Variants in JADE3 observed in about 807,000 individuals in gnomAD.
JADE3 encodes protein Jade-3.
A neutral mutation model predicts 50.1 loss-of-function variants in JADE3; 2 were observed. The ratio of observed to expected loss-of-function variants is 0.04; its 90% CI spans 0.02 to 0.13. The LOEUF is 0.13. Ranked by LOEUF, JADE3 falls within the 10% of genes least tolerant of loss-of-function variation. The probability of loss-of-function intolerance (pLI) is 1.00; values close to 1 mark genes in which losing one functional copy is unlikely to be tolerated. For synonymous variants in JADE3, 218 were observed against 232.9 expected (o/e 0.94, Z 0.58); for missense variants, 475 against 634.4 (o/e 0.75, Z 2.70).
At chrX:47,052,906 A>C (rs1929547044) in intron 8 of JADE3, among the ~76,000 whole-genome samples, 1 of 108,150 alleles carries the variant, frequency 9.2e-6, no homozygotes, top group Non-Finnish European at 1.9e-5. Context: ...AAATACAAAA[A>C]TTAGCCGGGC....
At chrX:46,917,692 A>G (rs1926115141) in intron 1 of JADE3, among the ~76,000 whole-genome samples, 1 of 109,822 alleles carries the variant, frequency 9.1e-6, no homozygotes, top group Non-Finnish European at 1.9e-5. Flanking sequence ...TGGGCAGGGA[A>G]AGATTGACAG....
At chrX:47,045,095 G>A (rs1165144501) in intron 8 of JADE3, among the ~76,000 whole-genome samples, 1 of 111,526 alleles carries the variant, frequency 9.0e-6, no homozygotes, top group East Asian at 2.8e-4. Flanking sequence ...CAATAACATT[G>A]AATGTAAATG....
intron 3 of JADE3, among the ~76,000 whole-genome samples, chrX:46,993,616 G>T (rs916193519): frequency 2.7e-5 from 3 of 111,717 alleles, no homozygotes; most frequent in Admixed American, 1.9e-4. Context: ...TGTTGCAGTT[G>T]GTGTTAGCCC....
At chrX:47,049,526 G>A (rs1316774722) in intron 8 of JADE3, among the ~76,000 whole-genome samples, 1 of 106,755 alleles carries the variant, frequency 9.4e-6, no homozygotes, top group East Asian at 2.9e-4. Flanking sequence ...GCACAATCAC[G>A]GCTCACTGCA....
chrX:46,997,610 T>C (rs1466538780), intron 3 of JADE3, among the ~76,000 whole-genome samples: 1 of 112,440 alleles, frequency 8.9e-6, no homozygotes, highest in Non-Finnish European at 1.9e-5. Flanking sequence ...AATAGTATTA[T>C]AGCATTGCTA....
chrX:46,972,403 C>G (rs1250333536), intron 1 of JADE3, among the ~76,000 whole-genome samples: 1 of 111,167 alleles, frequency 9.0e-6, no homozygotes, highest in Non-Finnish European at 1.9e-5. Flanking sequence ...GCCGTGTTGT[C>G]CAGGCTGATC....
intron 5 of JADE3, among the ~76,000 whole-genome samples, 169 bp from the exon 6 acceptor site, chrX:47,027,723 T>A (rs914822643): frequency 8.9e-6 from 1 of 111,993 alleles, no homozygotes; most frequent in South Asian, 3.7e-4. Context: ...TATAGGTAAA[T>A]GTTAGAGTAG....
chrX:47,060,374 T>C lies in JADE3; in HGVS notation c.*1297T>C, dbSNP rs1374074829. On this transcript the variant is annotated 3_prime_UTR_variant, in exon 11 of 11. Transcript: ENST00000614628. The stretch of plus-strand genomic sequence containing the variant: ...CCTTAAATTAATATTCTCTTTCTTC[T>C]AGTTTTGGAAAGTGTAGTGGGAATA... 8.9e-6 allele frequency: 1 copy of C among 111,848 alleles called. No individual in the cohort carries two copies. 9.2% of individuals were successfully genotyped at this position (111,848 alleles called of 1,213,427 possible). A position where few individuals can be genotyped will look rare whatever the true frequency, so the allele number is the denominator to read the frequency against.
chrX:46,960,818 A>G (rs1927242535), intron 1 of JADE3, among the ~76,000 whole-genome samples: 1 of 111,373 alleles, frequency 9.0e-6, no homozygotes, highest in African/African-American at 3.3e-5. Context: ...TATTTGTTCA[A>G]TGCATATTTA....
At chrX:46,982,400 C>G (rs1447496043) in intron 1 of JADE3, among the ~76,000 whole-genome samples, 2 of 111,007 alleles carry the variant, frequency 1.8e-5, no homozygotes, top group Non-Finnish European at 3.8e-5. Context: ...TCATGGTTTT[C>G]TTTAGTTCTT....
chrX:47,016,316 G>A (rs1365277120), intron 4 of JADE3, among the ~76,000 whole-genome samples: 1 of 111,788 alleles, frequency 8.9e-6, no homozygotes, highest in East Asian at 2.8e-4. Flanking sequence ...AAAGCTATGA[G>A]ATCACAGGAA....
At chrX:46,965,829 C>T (rs138185035) in intron 1 of JADE3, among the ~76,000 whole-genome samples, 2,808 of 111,141 alleles carry the variant, frequency 0.025, 105 homozygotes, top group African/African-American at 0.088. Flanking sequence ...CTGTGTTGGC[C>T]TTGATGAGGA....
chrX:46,991,655 G>A (rs1333208493), intron 3 of JADE3, among the ~76,000 whole-genome samples: 1 of 111,526 alleles, frequency 9.0e-6, no homozygotes, highest in African/African-American at 3.3e-5. Flanking sequence ...TTCCAAAGGG[G>A]CTCATCATTT....
chrX:46,944,150 C>G (rs1926828880), intron 1 of JADE3, among the ~76,000 whole-genome samples: 1 of 110,193 alleles, frequency 9.1e-6, no homozygotes, highest in African/African-American at 3.3e-5. Flanking sequence ...TTCAAATAAC[C>G]AACTTTTTGT....
In JADE3 at chrX:47,060,424, AT is replaced by A. The variant is rs1569539145; in HGVS notation, c.*1352del. The A allele has an allele frequency of 5.4e-5, 6 of 111,675 alleles. No homozygotes were observed. The allele number at this position is 111,675 out of a possible 1,213,427, so 9.2% of individuals were successfully genotyped here. A position where few individuals can be genotyped will look rare whatever the true frequency, so the allele number is the denominator to read the frequency against. ...ATTCAGACAAAAGAGGCCATTTTCC[AT>A]TTTTAAAGCTTCTTACTGGTGAAAC... On this transcript the variant is annotated 3_prime_UTR_variant, in exon 11 of 11. Transcript: ENST00000614628.
intron 7 of JADE3, among the ~76,000 whole-genome samples, 169 bp downstream of exon 7, chrX:47,033,957 G>T (rs1371954042): frequency 9.0e-6 from 1 of 111,408 alleles, no homozygotes; most frequent in African/African-American, 3.3e-5. Context: ...ATGCACACTT[G>T]CATGTAAGCC....
chrX:46,974,476 C>A (rs968512233), intron 1 of JADE3, among the ~76,000 whole-genome samples: 5 of 111,604 alleles, frequency 4.5e-5, no homozygotes, highest in Non-Finnish European at 9.4e-5. Context: ...AAGAAACATG[C>A]TGCTCTGGTC....
At chrX:46,991,897 A>T (rs1258670773) in intron 3 of JADE3, among the ~76,000 whole-genome samples, 1 of 110,856 alleles carries the variant, frequency 9.0e-6, no homozygotes, top group African/African-American at 3.3e-5. Flanking sequence ...GTATTCGCTA[A>T]TCTTCTCATT....
intron 1 of JADE3, among the ~76,000 whole-genome samples, chrX:46,916,489 G>A (rs1207312587): frequency 9.0e-6 from 1 of 111,602 alleles, no homozygotes; most frequent in Non-Finnish European, 1.9e-5. Flanking sequence ...CAGCTGTGAA[G>A]CACACAGTTT....
Sources: allele counts gnomAD v4.1 joint callset (sites outside exome capture counted in the v4.1 genomes callset), GRCh38; gene constraint gnomAD v4.1.1; transcripts MANE v1.5; gene names NCBI Gene and HGNC (gene_info 2026-07-23, HGNC 2026-07-21).